Variants in DAB1 observed in about 807,000 individuals in gnomAD.
The protein encoded by DAB1 is disabled homolog 1.
Under a neutral mutation model 64.6 loss-of-function variants are expected in DAB1, and 15 were observed. The observed-to-expected ratio is 0.23, with a 90% confidence interval of 0.16 to 0.36. The LOEUF is 0.36. Ranked by LOEUF, DAB1 falls within the 10% of genes least tolerant of loss-of-function variation. DAB1 has a pLI of 1.00. For missense variants in DAB1, 596 were observed against 706.7 expected (o/e 0.84, Z 1.78); for synonymous variants, 235 against 251.9 (o/e 0.93, Z 0.64).
chr1:58,077,738 T>C (rs1649743471), intron 5 of DAB1, among the ~76,000 whole-genome samples: 1 of 152,166 alleles, frequency 6.6e-6, no homozygotes, highest in Non-Finnish European at 1.5e-5. Context: ...AAGGAAAGAT[T>C]GACGGCTTCC....
At chr1:57,352,598 C>T (rs181654810) in intron 1 of DAB1, among the ~76,000 whole-genome samples, 54 of 152,052 alleles carry the variant, frequency 3.6e-4, no homozygotes, top group African/African-American at 1.3e-3. Context: ...GACCAAGAAA[C>T]CAAGGCATAG....
chr1:57,324,953 G>C (rs1022022066), intron 1 of DAB1, among the ~76,000 whole-genome samples: 2 of 152,212 alleles, frequency 1.3e-5, no homozygotes, highest in African/African-American at 2.4e-5. Context: ...CAAGAGCCAG[G>C]GTGGATGCTT....
intron 2 of DAB1, among the ~76,000 whole-genome samples, chr1:57,162,216 T>C (rs374423925): frequency 2.6e-5 from 4 of 152,290 alleles, no homozygotes; most frequent in Non-Finnish European, 5.9e-5. Flanking sequence ...AATAGACAAA[T>C]GTGTGAAAAC....
chr1:58,254,854 C>A lies in DAB1; in HGVS notation n.309+88498G>T, dbSNP rs1215802139. ...TGTGAATAATGCCGCAATAAACATA[C>A]GTCTTTATAGCCGCATGTGTCTTTA... On this transcript the variant is annotated intron_variant and non_coding_transcript_variant, in intron 4 of 20. Transcript: ENST00000485760. 2.4e-5 allele frequency among the ~76,000 whole-genome samples: 2 copies of A among 83,212 alleles called. 1 individual carries two copies. The highest frequency in any genetic ancestry group is 1.3e-4 in the African/African-American group (2 of 15,454). The allele number at this position is 83,212 out of a possible 152,430, so 54.6% of individuals were successfully genotyped here.
intron 11 of DAB1, among the ~76,000 whole-genome samples, chr1:57,017,981 C>T (rs1429983241): frequency 6.6e-6 from 1 of 152,162 alleles, no homozygotes; most frequent in African/African-American, 2.4e-5. Flanking sequence ...GGTGGCACTA[C>T]TGGCATTTAG....
chr1:58,299,310 C>T (rs1219100378), intron 4 of DAB1, among the ~76,000 whole-genome samples: 1 of 152,150 alleles, frequency 6.6e-6, no homozygotes, highest in Non-Finnish European at 1.5e-5. Context: ...GTCCTTCCCA[C>T]AGTCCTAAGC....
At chr1:57,679,611 G>GTC (rs1646612779) in intron 6 of DAB1, among the ~76,000 whole-genome samples, 1 of 152,164 alleles carries the variant, frequency 6.6e-6, no homozygotes, top group African/African-American at 2.4e-5. Flanking sequence ...TATTGTTTTA[G>GTC]TAGTGCTTGT....
chr1:57,511,795 T>C (rs1402551155), intron 7 of DAB1, among the ~76,000 whole-genome samples: 1 of 152,180 alleles, frequency 6.6e-6, no homozygotes, highest in Non-Finnish European at 1.5e-5. Context: ...ATATTTATAA[T>C]GCCTCTCCTC....
chr1:58,442,649 T>C (rs1645024708), intron 3 of DAB1, among the ~76,000 whole-genome samples: 1 of 152,240 alleles, frequency 6.6e-6, no homozygotes, highest in African/African-American at 2.4e-5. Flanking sequence ...TGAGTTTAAA[T>C]CCTTGCTCTG....
intron 7 of DAB1, among the ~76,000 whole-genome samples, chr1:57,616,112 C>A (rs975156340): frequency 1.3e-5 from 2 of 152,186 alleles, no homozygotes; most frequent in South Asian, 4.1e-4. Context: ...GCCCCTCCCT[C>A]ATTTGCTCAC....
intron 6 of DAB1, among the ~76,000 whole-genome samples, chr1:57,727,004 T>C (rs1647221214): frequency 6.6e-6 from 1 of 152,156 alleles, no homozygotes; most frequent in African/African-American, 2.4e-5. Flanking sequence ...ACCAGTTGAG[T>C]GTGAATTTAT....
At chr1:57,094,639 C>T (rs907074095) in intron 4 of DAB1, among the ~76,000 whole-genome samples, 3 of 152,156 alleles carry the variant, frequency 2.0e-5, no homozygotes, top group African/African-American at 7.2e-5. Context: ...TTTATGTCTC[C>T]TAAAATTATT....
At chr1:57,497,233 C>T (rs1269136609) in intron 7 of DAB1, among the ~76,000 whole-genome samples, 1 of 152,190 alleles carries the variant, frequency 6.6e-6, no homozygotes, top group Non-Finnish European at 1.5e-5. Context: ...TTCTTTATAG[C>T]ACTTATTACT....
intron 5 of DAB1, among the ~76,000 whole-genome samples, chr1:57,923,846 T>C (rs1452701751): frequency 1.3e-5 from 2 of 152,288 alleles, no homozygotes; most frequent in East Asian, 1.9e-4. Flanking sequence ...TTAGTAGAAA[T>C]GAAGAAAGTG....
intron 6 of DAB1, among the ~76,000 whole-genome samples, chr1:57,809,124 A>G (rs1651500892): frequency 6.6e-6 from 1 of 152,192 alleles, no homozygotes; most frequent in Admixed American, 6.5e-5. Flanking sequence ...TATTCCACAT[A>G]TAGATACATG....
intron 4 of DAB1, among the ~76,000 whole-genome samples, chr1:58,211,467 C>A (rs1213971300): frequency 6.6e-6 from 1 of 152,136 alleles, no homozygotes. Context: ...GTGAGTTGTG[C>A]AATGATTTTT....
chr1:58,213,961 G>A (rs184000221), intron 4 of DAB1, among the ~76,000 whole-genome samples: 2 of 152,230 alleles, frequency 1.3e-5, no homozygotes, highest in Admixed American at 1.3e-4. Context: ...GCTTTTAATT[G>A]TAATCCTGCC....
chr1:57,141,855 C>G (rs547864572), intron 3 of DAB1, among the ~76,000 whole-genome samples: 24 of 152,198 alleles, frequency 1.6e-4, no homozygotes, highest in African/African-American at 5.8e-4. Context: ...ATAAATTAAA[C>G]GCAAATACAA....
chr1:57,641,458 A>G (rs1646129410), intron 7 of DAB1, among the ~76,000 whole-genome samples: 1 of 133,456 alleles, frequency 7.5e-6, no homozygotes, highest in South Asian at 2.3e-4. Context: ...ATCTCCGCTC[A>G]CTGCAAGCTC....
Sources: gnomAD v4.1 joint callset for allele counts (sites outside exome capture counted in the v4.1 genomes callset) on GRCh38, gnomAD v4.1.1 for gene constraint, MANE v1.5 for transcripts, NCBI Gene and HGNC (gene_info 2026-07-23, HGNC 2026-07-21) for gene names.